The following TENM3 variants were observed in gnomAD, a reference collection of about 807,000 sequenced individuals.
The protein encoded by TENM3 is teneurin transmembrane protein 3.
Under a neutral mutation model 255.1 loss-of-function variants are expected in TENM3, and 63 were observed. The ratio of observed to expected loss-of-function variants is 0.25; its 90% CI spans 0.20 to 0.30. The LOEUF (loss-of-function observed/expected upper bound fraction) is 0.30. TENM3 is among the 10% of genes least tolerant of loss of function. The pLI, the probability that TENM3 is intolerant of heterozygous loss-of-function variation, is 1.00. For synonymous variants in TENM3, 1,306 were observed against 1,322.3 expected (o/e 0.99, Z 0.27); for missense variants, 2,929 against 3,461.1 (o/e 0.85, Z 3.86).
chr4:181,728,891 A>T, the TENM3 span, among the ~76,000 whole-genome samples: 17 of 150,536 alleles, frequency 1.1e-4, no homozygotes, highest in African/African-American at 2.9e-4. Flanking sequence ...TGAGTGTGAA[A>T]TTTTTTTTTT....
chr4:182,037,163 T>G, the TENM3 span, among the ~76,000 whole-genome samples: 2 of 151,958 alleles, frequency 1.3e-5, no homozygotes, highest in Non-Finnish European at 2.9e-5. Flanking sequence ...TTTTTTTTTT[T>G]GTGACACGGA....
At chr4:181,996,892 G>T in the TENM3 span, among the ~76,000 whole-genome samples, 1 of 152,164 alleles carries the variant, frequency 6.6e-6, no homozygotes, top group African/African-American at 2.4e-5. Context: ...CAGCTGGTCT[G>T]GACTGACTCT....
intron 3 of TENM3, among the ~76,000 whole-genome samples, chr4:182,360,442 T>G (rs1239974100): frequency 2.1e-5 from 3 of 139,836 alleles, no homozygotes; most frequent in Non-Finnish European, 3.1e-5. Context: ...GAGTTAGCTC[T>G]TCTTGTTGAA....
the TENM3 span, among the ~76,000 whole-genome samples, chr4:181,577,724 C>G: frequency 1.3e-5 from 2 of 152,064 alleles, no homozygotes; most frequent in African/African-American, 2.4e-5. Flanking sequence ...ATGCTCTATC[C>G]ATTTTGGTGG....
intron 4 of TENM3, among the ~76,000 whole-genome samples, chr4:182,607,722 T>C (rs935106344): frequency 2.0e-5 from 3 of 152,208 alleles, no homozygotes; most frequent in Admixed American, 6.5e-5. Context: ...CAAGAAAGTA[T>C]GCATTAATCA....
the TENM3 span, among the ~76,000 whole-genome samples, chr4:181,654,483 T>C: frequency 2.0e-5 from 3 of 151,618 alleles, no homozygotes; most frequent in Admixed American, 6.6e-5. Context: ...TCTCAAAGAG[T>C]GGTCCTTCGC....
At chr4:182,393,703 C>G (rs1266695539) in intron 3 of TENM3, among the ~76,000 whole-genome samples, 1 of 152,034 alleles carries the variant, frequency 6.6e-6, no homozygotes, top group African/African-American at 2.4e-5. Flanking sequence ...CATCTAATAT[C>G]CTGTTATGGA....
the TENM3 span, among the ~76,000 whole-genome samples, chr4:182,091,839 A>T: frequency 6.6e-6 from 1 of 152,224 alleles, no homozygotes; most frequent in Admixed American, 6.5e-5. Context: ...AGCATCACCA[A>T]ACAAAATAGA....
the TENM3 span, among the ~76,000 whole-genome samples, chr4:181,644,209 G>C: frequency 1.3e-5 from 2 of 151,762 alleles, no homozygotes; most frequent in Non-Finnish European, 2.9e-5. Flanking sequence ...ACATTTCCAA[G>C]CAACTAGCCA....
chr4:181,484,506 C>A, the TENM3 span, among the ~76,000 whole-genome samples: 1 of 151,832 alleles, frequency 6.6e-6, no homozygotes, highest in Non-Finnish European at 1.5e-5. Context: ...TTACATGCTG[C>A]GGTTAGATTG....
chr4:181,578,788 A>G, the TENM3 span, among the ~76,000 whole-genome samples: 2 of 152,102 alleles, frequency 1.3e-5, no homozygotes, highest in African/African-American at 2.4e-5. Flanking sequence ...TCTTCTTCTT[A>G]TAAGGACACC....
the TENM3 span, among the ~76,000 whole-genome samples, chr4:181,832,955 C>T: frequency 8.5e-5 from 13 of 152,098 alleles, no homozygotes; most frequent in African/African-American, 2.9e-4. Flanking sequence ...ACACAATCAC[C>T]CTGAGTGTGA....
rs139457090 is a variant in TENM3 at position 182,228,392 on chromosome 4, G to GTGTGTA, written c.-76+83639_-76+83640insGTGTAT. On this transcript the variant is annotated intron_variant, in intron 1 of 2. Transcript: ENST00000512480. Reference sequence around the variant, plus strand: ...TGTGTGTGTGTGTGTGTGTGTGTGTGTATATGTAATCCCTCCCAGCTCTAA... The same window carrying GTGTGTA: ...TGTGTGTGTGTGTGTGTGTGTGTGTGTGTGTATATATGTAATCCCTCCCAGCTCTAA... Among the ~76,000 whole-genome samples the GTGTGTA allele has an allele frequency of 1.6e-3, 167 of 104,516 alleles. 18 individuals carry two copies. Among genetic ancestry groups the GTGTGTA allele is most frequent in the African/African-American group, 2.8e-3 (62 of 22,474 alleles). The allele number at this position is 104,516 out of a possible 152,430, so 68.6% of individuals were successfully genotyped here. A position where few individuals can be genotyped will look rare whatever the true frequency, so the allele number is the denominator to read the frequency against.
intron 1 of TENM3, among the ~76,000 whole-genome samples, chr4:182,310,191 A>G (rs942355062): frequency 3.3e-5 from 5 of 151,924 alleles, no homozygotes; most frequent in East Asian, 3.8e-4. Context: ...TTGTTATTTC[A>G]GAAGCATATT....
intron 6 of TENM3, among the ~76,000 whole-genome samples, chr4:182,672,029 A>C (rs1755261367): frequency 2.0e-5 from 3 of 152,152 alleles, no homozygotes; most frequent in Non-Finnish European, 4.4e-5. Context: ...GCCCAGTTCC[A>C]TTCTGTTCCT....
chr4:181,824,052 A>G, the TENM3 span, among the ~76,000 whole-genome samples: 1 of 152,188 alleles, frequency 6.6e-6, no homozygotes, highest in Admixed American at 6.5e-5. Flanking sequence ...CATGCTGCTC[A>G]GTCTTACAAA....
intron 6 of TENM3, among the ~76,000 whole-genome samples, chr4:182,658,566 T>C (rs1753954832): frequency 1.3e-5 from 2 of 152,204 alleles, no homozygotes; most frequent in Non-Finnish European, 2.9e-5. Context: ...CTTGGGTGTT[T>C]TCCATGCATC....
the TENM3 span, among the ~76,000 whole-genome samples, chr4:181,772,426 A>G: frequency 6.6e-6 from 1 of 152,140 alleles, no homozygotes; most frequent in East Asian, 1.9e-4. Flanking sequence ...AATCATTTTT[A>G]AACTATATGA....
the TENM3 span, among the ~76,000 whole-genome samples, chr4:181,546,693 G>A: frequency 2.9e-5 from 4 of 135,868 alleles, no homozygotes; most frequent in East Asian, 2.2e-4. Context: ...CAGCCTGGGC[G>A]ACAGAGCGAG....
Sources: gnomAD v4.1 joint callset for allele counts (sites outside exome capture counted in the v4.1 genomes callset) on GRCh38, gnomAD v4.1.1 for gene constraint, MANE v1.5 for transcripts, NCBI Gene and HGNC (gene_info 2026-07-23, HGNC 2026-07-21) for gene names.